Variants in SYNDIG1L observed in about 807,000 individuals in gnomAD.
The protein encoded by SYNDIG1L is synapse differentiation-inducing gene protein 1-like.
A neutral mutation model predicts 20.1 loss-of-function variants in SYNDIG1L; 13 were observed. The ratio of observed to expected loss-of-function variants is 0.65; its 90% confidence interval spans 0.42 to 1.03. SYNDIG1L has a LOEUF of 1.03. Among genes scored for constraint, SYNDIG1L ranks in the 50% least tolerant of loss-of-function variants. SYNDIG1L has a pLI of 0.00. For synonymous variants in SYNDIG1L, 128 were observed against 129.3 expected, an observed-to-expected ratio of 0.99 and a Z score of 0.07; for missense variants, 294 against 305.1, an observed-to-expected ratio of 0.96 and a Z score of 0.27.
chr14:74,429,632 C>G (rs1442166910), upstream of SYNDIG1L, among the ~76,000 whole-genome samples: 1 of 152,258 alleles, frequency 6.6e-6, no homozygotes, highest in African/African-American at 2.4e-5. Context: ...GGCCATATGG[C>G]TGTGACCCAC....
chr14:74,412,128 T>C (rs1254824725), intron 1 of SYNDIG1L, among the ~76,000 whole-genome samples: 1 of 152,000 alleles, frequency 6.6e-6, no homozygotes, highest in Non-Finnish European at 1.5e-5. Flanking sequence ...TCTCTGGGGG[T>C]CAAAAATACA....
intron 2 of SYNDIG1L, 132 bp downstream of exon 2, chr14:74,409,196 A>G: frequency 1.7e-6 from 1 of 604,230 alleles, no homozygotes; most frequent in Non-Finnish European, 2.7e-6. Flanking sequence ...CTCTCACTTC[A>G]GCCTCCTGAT....
At chr14:74,421,768 G>T (rs1041024556) in intron 1 of SYNDIG1L, among the ~76,000 whole-genome samples, 2 of 152,190 alleles carry the variant, frequency 1.3e-5, no homozygotes, top group African/African-American at 4.8e-5. Context: ...GGGAAGAAGA[G>T]AGAACAGAAA....
At chr14:74,472,123 C>T in the SYNDIG1L span, 1 of 152,150 alleles carries the variant, frequency 6.6e-6, no homozygotes, top group South Asian at 2.1e-4. Flanking sequence ...CACAAGTACC[C>T]CTGAGAATCA....
intron 1 of SYNDIG1L, among the ~76,000 whole-genome samples, chr14:74,420,900 A>G (rs534990198): frequency 5.3e-5 from 8 of 152,350 alleles, no homozygotes; most frequent in African/African-American, 1.9e-4. Context: ...AGAGAGGCCT[A>G]CTGTGGAAAC....
At chr14:74,444,772 C>T in the SYNDIG1L span, among the ~76,000 whole-genome samples, 1 of 151,870 alleles carries the variant, frequency 6.6e-6, no homozygotes, top group South Asian at 2.1e-4. Context: ...CAAAACAAAA[C>T]AAGACAAAAA....
intron 1 of SYNDIG1L, among the ~76,000 whole-genome samples, chr14:74,416,203 T>C (rs1004660312): frequency 6.6e-6 from 1 of 152,204 alleles, no homozygotes; most frequent in Admixed American, 6.5e-5. Context: ...TTATATTTTC[T>C]TTTTCCACAT....
chr14:74,459,425 G>C, the SYNDIG1L span, among the ~76,000 whole-genome samples: 2 of 151,764 alleles, frequency 1.3e-5, no homozygotes, highest in African/African-American at 4.9e-5. Flanking sequence ...GATCCCTTGA[G>C]AGTGGGAGGC....
At chr14:74,458,323 C>T in the SYNDIG1L span, among the ~76,000 whole-genome samples, 8 of 151,698 alleles carry the variant, frequency 5.3e-5, no homozygotes, top group South Asian at 2.1e-4. Flanking sequence ...AGGCTGGGTG[C>T]GGAGGCTCAC....
At chr14:74,420,789 A>T (rs1156557225) in intron 1 of SYNDIG1L, among the ~76,000 whole-genome samples, 1 of 152,240 alleles carries the variant, frequency 6.6e-6, no homozygotes, top group Non-Finnish European at 1.5e-5. Flanking sequence ...TGGGCCAGAA[A>T]TTCCTGGAGA....
the SYNDIG1L span, among the ~76,000 whole-genome samples, chr14:74,436,849 CAAAAA>C: frequency 2.2e-5 from 2 of 89,316 alleles, no homozygotes; most frequent in African/African-American, 4.4e-5. Context: ...AAACTCGTCT[CAAAAA>C]AAAAAAAAAA....
At chr14:74,466,344 G>GGATA in the SYNDIG1L span, among the ~76,000 whole-genome samples, 1 of 152,124 alleles carries the variant, frequency 6.6e-6, no homozygotes, top group Non-Finnish European at 1.5e-5. Flanking sequence ...TTGGGTGGGT[G>GGATA]GATAGATGGA....
At chr14:74,460,819 T>C in the SYNDIG1L span, among the ~76,000 whole-genome samples, 1 of 152,184 alleles carries the variant, frequency 6.6e-6, no homozygotes, top group Non-Finnish European at 1.5e-5. Flanking sequence ...GGGCTAATTT[T>C]TGTATTTTTA....
intron 1 of SYNDIG1L, among the ~76,000 whole-genome samples, chr14:74,411,886 C>G (rs1023938493): frequency 6.6e-6 from 1 of 152,132 alleles, no homozygotes; most frequent in Non-Finnish European, 1.5e-5. Flanking sequence ...GGGTTGTGGC[C>G]CAAGCGCCAG....
the SYNDIG1L span, among the ~76,000 whole-genome samples, chr14:74,462,717 G>T: frequency 6.6e-6 from 1 of 152,016 alleles, no homozygotes; most frequent in East Asian, 1.9e-4. Flanking sequence ...TGTTGCCCAG[G>T]CTGGTCTCGA....
At chr14:74,473,257 C>T in the SYNDIG1L span, among the ~76,000 whole-genome samples, 1 of 151,920 alleles carries the variant, frequency 6.6e-6, no homozygotes, top group East Asian at 1.9e-4. Flanking sequence ...TGGTGGCAGG[C>T]GCCTGTAATC....
chr14:74,424,622 G>A (rs560681377), intron 1 of SYNDIG1L, among the ~76,000 whole-genome samples: 1 of 152,262 alleles, frequency 6.6e-6, no homozygotes, highest in African/African-American at 2.4e-5. Flanking sequence ...TCTCCTTAAG[G>A]TTTATAAGTT....
At chr14:74,438,857 T>C in the SYNDIG1L span, among the ~76,000 whole-genome samples, 2 of 152,330 alleles carry the variant, frequency 1.3e-5, no homozygotes, top group African/African-American at 2.4e-5. Flanking sequence ...TGTAAGGCAG[T>C]ACTATTCCAT....
chr14:74,414,897 A>G (rs1300670123), intron 1 of SYNDIG1L, among the ~76,000 whole-genome samples: 2 of 152,202 alleles, frequency 1.3e-5, no homozygotes, highest in Non-Finnish European at 2.9e-5. Context: ...GAAGGCTTCA[A>G]GGAATCACCA....
Sources: allele counts gnomAD v4.1 joint callset (sites outside exome capture counted in the v4.1 genomes callset), GRCh38; gene constraint gnomAD v4.1.1; transcripts MANE v1.5; gene names NCBI Gene and HGNC (gene_info 2026-07-23, HGNC 2026-07-21).